DPY19L1: variants seen among roughly 807,000 people sequenced by gnomAD.
DPY19L1 encodes dpy-19 like C-mannosyltransferase 1.
Under a neutral mutation model 96.9 loss-of-function variants are expected in DPY19L1, and 35 were observed. That is an observed-to-expected ratio of 0.36 (90% CI 0.28 to 0.48). The LOEUF is 0.48. Ranked by LOEUF, DPY19L1 falls within the 20% of genes least tolerant of loss-of-function variation. DPY19L1 has a pLI of 0.99. For missense variants in DPY19L1, 521 were observed against 777.9 expected (o/e 0.67, Z 3.93); for synonymous variants, 205 against 252.6 (o/e 0.81, Z 1.79).
chr7:34,938,684 C>A (rs1397078386), intron 20 of DPY19L1, among the ~76,000 whole-genome samples: 2 of 152,030 alleles, frequency 1.3e-5, no homozygotes, highest in South Asian at 4.1e-4. Flanking sequence ...ATAAGATTCA[C>A]CTAATCACTT....
chr7:35,010,234 A>T (rs1425941455), intron 6 of DPY19L1, among the ~76,000 whole-genome samples: 5 of 152,184 alleles, frequency 3.3e-5, no homozygotes, highest in Non-Finnish European at 7.3e-5. Flanking sequence ...TGTCTCAAAA[A>T]AAAAAGTAAT....
In DPY19L1 at chr7:34,960,469, T is replaced by C. The variant is rs574080783; in HGVS notation, c.1093-2399A>G. 2.4e-4 allele frequency among the ~76,000 whole-genome samples: 36 copies of C among 152,304 alleles called. 1 individual carries two copies. The South Asian group carries it at 7.0e-3, about 30-fold the overall frequency. On this transcript the variant is annotated intron_variant, in intron 10 of 21. Transcript: ENST00000638088. ...TGATTGTTTGTATACAGAAAAATTA[T>C]ATTAAATATGCATCAATGAATATGA... is the stretch of plus-strand genomic sequence containing the variant.
chr7:35,016,624 C>A (rs1298620635), intron 3 of DPY19L1, among the ~76,000 whole-genome samples: 1 of 152,206 alleles, frequency 6.6e-6, no homozygotes, highest in Non-Finnish European at 1.5e-5. Flanking sequence ...TAGGAGGAAT[C>A]AGCATCACAA....
intron 6 of DPY19L1, among the ~76,000 whole-genome samples, chr7:34,997,436 CAAAAAAAAA>C (rs397836742): frequency 3.3e-4 from 30 of 91,936 alleles, no homozygotes; most frequent in Admixed American, 8.3e-4. Flanking sequence ...ACTAAAAATA[CAAAAAAAAA>C]AAAAAAAAAA....
chr7:34,936,903 G>GA (rs1783880262), intron 21 of DPY19L1, among the ~76,000 whole-genome samples: 1 of 152,180 alleles, frequency 6.6e-6, no homozygotes, highest in South Asian at 2.1e-4. Context: ...TATATGGTGG[G>GA]AAAGTGTGAT....
At chr7:35,025,554 G>A (rs932512405) in intron 1 of DPY19L1, among the ~76,000 whole-genome samples, 20 of 152,098 alleles carry the variant, frequency 1.3e-4, no homozygotes, top group Admixed American at 1.3e-3. Flanking sequence ...ATATAACTTA[G>A]GTGTGGATTT....
chr7:35,028,691 A>G (rs1478451316), intron 1 of DPY19L1, among the ~76,000 whole-genome samples: 1 of 152,244 alleles, frequency 6.6e-6, no homozygotes, highest in Non-Finnish European at 1.5e-5. Context: ...GCTACTCCAT[A>G]GGTAGAACAG....
At chr7:35,027,708 CAT>C (rs1786161526) in intron 1 of DPY19L1, among the ~76,000 whole-genome samples, 1 of 119,800 alleles carries the variant, frequency 8.3e-6, no homozygotes, top group Non-Finnish European at 1.9e-5. Flanking sequence ...CATGGTGGCA[CAT>C]GTCTGTAATC....
At chr7:34,982,338 G>T (rs1036802153) in intron 7 of DPY19L1, among the ~76,000 whole-genome samples, 2 of 152,204 alleles carry the variant, frequency 1.3e-5, no homozygotes, top group African/African-American at 4.8e-5. Flanking sequence ...ATTTAGGGGT[G>T]AGACAGCATC....
intron 7 of DPY19L1, among the ~76,000 whole-genome samples, 159 bp downstream of exon 7, chr7:34,989,725 T>C (rs763221620): frequency 3.3e-5 from 5 of 151,920 alleles, no homozygotes; most frequent in Non-Finnish European, 7.4e-5. Context: ...ACATAAGAAG[T>C]ACAATGGTCA....
At chr7:34,956,017 T>C (rs1388062291) in intron 11 of DPY19L1, among the ~76,000 whole-genome samples, 1 of 152,092 alleles carries the variant, frequency 6.6e-6, no homozygotes, top group Non-Finnish European at 1.5e-5. Context: ...TGCACAAACA[T>C]GCTGTATTCC....
At chr7:34,931,767 A>G (rs1195394387) in intron 21 of DPY19L1, 38 bp from the exon 22 acceptor site, 1 of 1,557,730 alleles carries the variant, frequency 6.4e-7, no homozygotes, top group East Asian at 2.3e-5. Flanking sequence ...ATCAATATGC[A>G]TTATATAACT....
intron 6 of DPY19L1, among the ~76,000 whole-genome samples, chr7:35,001,115 TTAAA>T (rs1478497626): frequency 6.6e-6 from 1 of 152,176 alleles, no homozygotes; most frequent in African/African-American, 2.4e-5. Context: ...ACCATATGGA[TTAAA>T]TGAGTTTCTG....
chr7:35,002,731 G>A (rs1785457986), intron 6 of DPY19L1, among the ~76,000 whole-genome samples: 1 of 152,166 alleles, frequency 6.6e-6, no homozygotes, highest in African/African-American at 2.4e-5. Context: ...GAATAACTTA[G>A]GAACATCTGA....
In DPY19L1 at chr7:34,969,924, T is replaced by G. The variant is rs143875481; in HGVS notation, c.915-392A>C. Among the ~76,000 whole-genome samples the G allele has an allele frequency of 6.2e-4, 94 of 152,298 alleles. 1 individual carries two copies. Among genetic ancestry groups the G allele is most frequent in the Middle Eastern group, 3.4e-3 (1 of 294 alleles). On this transcript the variant is annotated intron_variant, in intron 8 of 21. Transcript: ENST00000638088. The stretch of plus-strand genomic sequence containing the variant: ...TGCTAAGTATTAGGCAGACAACTAC[T>G]GCAATAATGCAGAATAAGAGGTAAG...
At chr7:34,969,326 G>T in intron 9 of DPY19L1, 107 bp downstream of exon 9, 1 of 538,440 alleles carries the variant, frequency 1.9e-6, no homozygotes, top group Non-Finnish European at 3.0e-6. Flanking sequence ...ATGTTTTAGT[G>T]TTTTAGGACT....
chr7:35,035,598 CT>C (rs1174632030), intron 1 of DPY19L1, among the ~76,000 whole-genome samples: 1 of 152,208 alleles, frequency 6.6e-6, no homozygotes, highest in Non-Finnish European at 1.5e-5. Flanking sequence ...GCATCACACA[CT>C]TTCTTTTATT....
At chr7:35,011,039 G>A (rs918586368) in intron 5 of DPY19L1, among the ~76,000 whole-genome samples, 2 of 152,188 alleles carry the variant, frequency 1.3e-5, no homozygotes, top group African/African-American at 4.8e-5. Context: ...AGTTCCAGCT[G>A]AGCTCAGCCT....
At chr7:34,968,353 T>G (rs199972029) in intron 9 of DPY19L1, among the ~76,000 whole-genome samples, 1 of 152,172 alleles carries the variant, frequency 6.6e-6, no homozygotes, top group Non-Finnish European at 1.5e-5. Flanking sequence ...TTATCTCTAT[T>G]TCAGAAATGA....
Sources: allele counts gnomAD v4.1 joint callset (sites outside exome capture counted in the v4.1 genomes callset), GRCh38; gene constraint gnomAD v4.1.1; transcripts MANE v1.5; gene names NCBI Gene and HGNC (gene_info 2026-07-23, HGNC 2026-07-21).